SPDYE2: variants seen among roughly 807,000 people sequenced by gnomAD.
The protein encoded by SPDYE2 is speedy/RINGO cell cycle regulator family member E2.
For synonymous variants in SPDYE2, 2 were observed against 45.1 expected (o/e 0.04, Z 3.83); for missense variants, 1 against 121.0 (o/e 0.01, Z 4.65).
chr7:102,557,385 CAG>C (rs1239101699), intron 5 of SPDYE2, among the ~76,000 whole-genome samples, 163 bp downstream of exon 5: 2 of 132,484 alleles, frequency 1.5e-5, no homozygotes, highest in African/African-American at 2.9e-5. Context: ...GTGTGTGAGA[CAG>C]AGTCTTGCTC....
chr7:102,555,043 G>C (rs1451405929), intron 3 of SPDYE2, among the ~76,000 whole-genome samples: 1 of 137,732 alleles, frequency 7.3e-6, no homozygotes, highest in African/African-American at 2.7e-5. Flanking sequence ...AGTTGTTCGA[G>C]ACCAACCAGA....
intron 3 of SPDYE2, among the ~76,000 whole-genome samples, chr7:102,555,019 G>A (rs560199413): frequency 7.4e-6 from 1 of 135,670 alleles, no homozygotes; most frequent in African/African-American, 2.7e-5. Flanking sequence ...GAGATGGGTG[G>A]ATCACTTGAG....
At chr7:102,555,635 A>ACAACAACAACAACAAC (rs559583264) in intron 3 of SPDYE2, among the ~76,000 whole-genome samples, 1 of 81,582 alleles carries the variant, frequency 1.2e-5, no homozygotes, top group African/African-American at 4.2e-5. Context: ...AACAACAACA[A>ACAACAACAACAACAAC]AAAAAAAAAA....
intron 3 of SPDYE2, among the ~76,000 whole-genome samples, chr7:102,555,122 A>T (rs1441289558): frequency 6.9e-6 from 1 of 143,938 alleles, no homozygotes; most frequent in South Asian, 2.2e-4. Flanking sequence ...TATCCCAGCT[A>T]CTCAGGAGGC....
At chr7:102,564,401 T>C (rs1230128349), downstream of SPDYE2, 7 of 147,948 alleles carry the variant, frequency 4.7e-5, no homozygotes, top group Non-Finnish European at 1.1e-4. Context: ...CTAGCAGAGA[T>C]TGTGTCTCCT....
At chr7:102,554,808 G>C (rs1255571648) in intron 3 of SPDYE2, among the ~76,000 whole-genome samples, 2 of 115,012 alleles carry the variant, frequency 1.7e-5, no homozygotes, top group African/African-American at 5.8e-5. Context: ...CGGGCCAGGT[G>C]CAGTGGCTCA....
At chr7:102,565,086 C>T (rs1801012519), downstream of SPDYE2, 1 of 107,408 alleles carries the variant, frequency 9.3e-6, no homozygotes, top group African/African-American at 2.8e-5. Flanking sequence ...GCTTTAGACA[C>T]ACCTGCAGGC....
intron 3 of SPDYE2, among the ~76,000 whole-genome samples, chr7:102,554,823 T>C (rs1248108973): frequency 9.2e-6 from 1 of 108,816 alleles, no homozygotes; most frequent in African/African-American, 2.9e-5. Context: ...GGCTCATGCC[T>C]GAGATGCTAG....
intron 3 of SPDYE2, among the ~76,000 whole-genome samples, chr7:102,555,083 C>G (rs1265041737): frequency 7.0e-6 from 1 of 143,226 alleles, no homozygotes; most frequent in African/African-American, 2.6e-5. Flanking sequence ...TTTATACTAA[C>G]AATACAAAAA....
chr7:102,555,657 CAG>C (rs1187404895), intron 3 of SPDYE2, among the ~76,000 whole-genome samples: 1 of 92,230 alleles, frequency 1.1e-5, no homozygotes, highest in Non-Finnish European at 2.3e-5. Context: ...AAAAGGGACT[CAG>C]AGAGCCAGGG....
chr7:102,564,747 G>T (rs866101120), downstream of SPDYE2: 2,191 of 146,776 alleles, frequency 0.015, no homozygotes, highest in African/African-American at 0.059. Context: ...GCTGGAGTGC[G>T]GTGGCGTGAT....
At chr7:102,563,102 T>G (rs1800937965) in exon 9 of SPDYE2, 2 of 148,422 alleles carry the variant, frequency 1.3e-5, no homozygotes, top group African/African-American at 4.9e-5. Context: ...AGATGCTGTT[T>G]CTATAAAGCT....
At chr7:102,564,455 C>A (rs1800986645), downstream of SPDYE2, 1 of 148,076 alleles carries the variant, frequency 6.8e-6, no homozygotes, top group Non-Finnish European at 1.5e-5. Flanking sequence ...TTCGTTCCTG[C>A]AGCAGTTAAA....
chr7:102,562,779 C>CTATTGGTATTTATAGCTATT (rs1481061736), exon 9 of SPDYE2: 1 of 122,668 alleles, frequency 8.2e-6, no homozygotes, highest in African/African-American at 3.0e-5. Flanking sequence ...ATAATCTCTT[C>CTATTGGTATTTATAGCTATT]TATTTATAGC....
Position 102,554,925 on chromosome 7 carries a change from T to C in SPDYE2, c.379+348T>C, listed in dbSNP as rs1343355234. ...CTGCACCACTGCACTCCAGCCTGGG[T>C]GACAGAGCAAAACCCTGTGTCAAAA... is the stretch of plus-strand genomic sequence containing the variant. On this transcript the variant is annotated intron_variant, in intron 3 of 8. Coordinates refer to ENST00000507918, the Ensembl canonical transcript of SPDYE2. Among the ~76,000 whole-genome samples, 7 of 126,904 alleles carry C rather than the reference T, an allele frequency of 5.5e-5. 1 individual carries two copies. Among genetic ancestry groups the C allele is most frequent in the African/African-American group, 2.0e-4 (7 of 35,728 alleles). 83.3% of individuals were successfully genotyped at this position (126,904 alleles called of 152,430 possible). A position where few individuals can be genotyped will look rare whatever the true frequency, so the allele number is the denominator to read the frequency against.
At chr7:102,554,820 G>A (rs1306758187) in intron 3 of SPDYE2, among the ~76,000 whole-genome samples, 2 of 107,966 alleles carry the variant, frequency 1.9e-5, no homozygotes, top group Non-Finnish European at 4.5e-5. Flanking sequence ...AGTGGCTCAT[G>A]CCTGAGATGC....
exon 9 of SPDYE2, chr7:102,562,986 ATTAT>A (rs1270472094): frequency 2.7e-5 from 4 of 148,086 alleles, no homozygotes; most frequent in South Asian, 4.2e-4. Flanking sequence ...TTATTTAAAT[ATTAT>A]TTTATTTATT....
At chr7:102,555,035 T>C (rs1338055267) in intron 3 of SPDYE2, among the ~76,000 whole-genome samples, 4 of 136,416 alleles carry the variant, frequency 2.9e-5, no homozygotes, top group Admixed American at 7.4e-5. Flanking sequence ...TTGAGGTCAG[T>C]TGTTCGAGAC....
At chr7:102,563,079 G>C (rs1259316671) in exon 9 of SPDYE2, 1 of 148,640 alleles carries the variant, frequency 6.7e-6, no homozygotes, top group African/African-American at 2.4e-5. Context: ...TGGAAATACT[G>C]GTATTTTTGA....
Sources: gnomAD v4.1 joint callset for allele counts (sites outside exome capture counted in the v4.1 genomes callset) on GRCh38, gnomAD v4.1.1 for gene constraint, MANE v1.5 for transcripts, NCBI Gene and HGNC (gene_info 2026-07-23, HGNC 2026-07-21) for gene names.